ATP1A4: variants seen among roughly 807,000 people sequenced by gnomAD.
ATP1A4 encodes sodium/potassium-transporting ATPase subunit alpha-4.
Under a neutral mutation model 114.3 loss-of-function variants are expected in ATP1A4, and 90 were observed. That is an observed-to-expected ratio of 0.79 (90% CI 0.66 to 0.94). The LOEUF is 0.94. Among genes scored for constraint, ATP1A4 ranks in the 40% least tolerant of loss-of-function variants. ATP1A4 has a pLI of 0.00. For synonymous variants in ATP1A4, 511 were observed against 494.1 expected, an observed-to-expected ratio of 1.03 and a Z score of -0.45; for missense variants, 1,222 against 1,313.6, an observed-to-expected ratio of 0.93 and a Z score of 1.08.
chr1:160,168,320 G>A (rs1379346749), intron 10 of ATP1A4, among the ~76,000 whole-genome samples: 1 of 151,858 alleles, frequency 6.6e-6, no homozygotes, highest in Non-Finnish European at 1.5e-5. Context: ...CAGACATTCA[G>A]GTGTGGGTAA....
At chr1:160,182,953 A>G (rs1811877) in intron 20 of ATP1A4, 150,628 of 152,390 alleles carry the variant, frequency 0.99, 74,458 homozygotes, top group Middle Eastern at 1. Flanking sequence ...GATTACAGGC[A>G]TGAGCCACCA....
At chr1:160,175,784 A>C (rs189747777) in intron 15 of ATP1A4, among the ~76,000 whole-genome samples, 44 of 152,250 alleles carry the variant, frequency 2.9e-4, no homozygotes, top group African/African-American at 9.4e-4. Context: ...TTCCAGCCTT[A>C]ATCTTGTAAA....
intron 20 of ATP1A4, 57 bp from the exon 21 acceptor site, chr1:160,186,219 A>G: frequency 1.7e-6 from 2 of 1,205,194 alleles, no homozygotes; most frequent in South Asian, 1.2e-5. Flanking sequence ...TGCCCTCTGC[A>G]CCTGTCCTCT....
chr1:160,174,151 G>A lies in ATP1A4; in HGVS notation c.2032G>A (p.Asp678Asn), dbSNP rs761255728. 34 of 1,614,012 alleles carry A rather than the reference G, an allele frequency of 2.1e-5. No individual in the cohort carries two copies. The highest frequency in any genetic ancestry group is 2.9e-5 in the Non-Finnish European group (34 of 1,180,032). ...TGTGGTGCATGGTGCAGAACTGAAG[G>A]ACATACAGTCCAAGCAGCTTGATCA... Reference protein sequence around the residue: ...AIVVHGAELKDIQSKQLDQIL... With the variant: ...AIVVHGAELKNIQSKQLDQIL... The change falls in exon 14 of 22, where the codon GAC becomes AAC. Residue 678 changes from aspartate (D) to asparagine (N), a missense_variant. Physicochemically the swap from Asp to Asn is conservative, Grantham distance 23 (BLOSUM62 1). Coordinates refer to ENST00000368081, the MANE Select transcript of ATP1A4 (RefSeq NM_144699.4).
At chr1:160,175,445 G>A (rs1653425667) in intron 15 of ATP1A4, among the ~76,000 whole-genome samples, 1 of 152,058 alleles carries the variant, frequency 6.6e-6, no homozygotes, top group African/African-American at 2.4e-5. Flanking sequence ...CTATGTGGGA[G>A]GCACTATGCT....
In ATP1A4 at chr1:160,176,109, AAC is replaced by A. The variant is rs1228162848; in HGVS notation, c.2330_2331del (p.Asn777ThrfsTer40). On this transcript the variant is annotated frameshift_variant, in exon 16 of 22. Transcript: ENST00000368081. LOFTEE classifies it high-confidence loss of function. ...CTCCCCAGGCCGCCTGATCTTTGAC[AAC>A]CTGAAGAAATCCATCATGTACACCC... The part of the protein sequence containing the change: ...GVEEGRLIFD[N>X]LKKSIMYTLT... 2 of 1,614,026 alleles carry A rather than the reference AAC, an allele frequency of 1.2e-6. No individual in the cohort carries two copies. Among genetic ancestry groups the A allele is most frequent in the African/African-American group, 2.7e-5 (2 of 74,904 alleles).
chr1:160,185,199 G>A (rs952567533), intron 20 of ATP1A4, among the ~76,000 whole-genome samples: 3 of 150,054 alleles, frequency 2.0e-5, no homozygotes, highest in Non-Finnish European at 3.0e-5. Flanking sequence ...TGCAACCTCC[G>A]CCTCCCGGGT....
At chr1:160,180,860 A>G (rs543702292) in intron 18 of ATP1A4, among the ~76,000 whole-genome samples, 57 of 151,598 alleles carry the variant, frequency 3.8e-4, no homozygotes, top group Middle Eastern at 6.8e-3. Context: ...GACTACAGGC[A>G]CCCGCCACCA....
intron 1 of ATP1A4, among the ~76,000 whole-genome samples, chr1:160,152,700 G>A (rs920608332): frequency 5.9e-5 from 9 of 152,178 alleles, no homozygotes; most frequent in African/African-American, 9.6e-5. Context: ...TCTCTGGCCC[G>A]AACCCCCGTG....
chr1:160,159,225 A>G, intron 5 of ATP1A4, 89 bp downstream of exon 5: 1 of 1,510,544 alleles, frequency 6.6e-7, no homozygotes, highest in South Asian at 1.3e-5. Flanking sequence ...GTATAAGCTT[A>G]TTACTCAGAA....
At chr1:160,180,218 G>C (rs75978735) in intron 18 of ATP1A4, among the ~76,000 whole-genome samples, 1 of 152,130 alleles carries the variant, frequency 6.6e-6, no homozygotes, top group African/African-American at 2.4e-5. Context: ...TTCCATGCTC[G>C]GCTCATCAAT....
chr1:160,184,014 G>A (rs541598452), intron 20 of ATP1A4, among the ~76,000 whole-genome samples: 3 of 148,950 alleles, frequency 2.0e-5, no homozygotes, highest in Non-Finnish European at 4.4e-5. Flanking sequence ...GTGCAGTAGC[G>A]CAATCTCGGC....
At chr1:160,180,834 C>T (rs576711320) in intron 18 of ATP1A4, among the ~76,000 whole-genome samples, 16 of 151,874 alleles carry the variant, frequency 1.1e-4, no homozygotes, top group African/African-American at 3.6e-4. Context: ...CTCGCCTCAG[C>T]CTCCCGAGCA....
At chr1:160,159,223 T>G in intron 5 of ATP1A4, 87 bp downstream of exon 5, 1 of 1,516,924 alleles carries the variant, frequency 6.6e-7, no homozygotes, top group Non-Finnish European at 8.9e-7. Context: ...AAGTATAAGC[T>G]TATTACTCAG....
chr1:160,176,795 C>G (rs1571031654), intron 17 of ATP1A4, among the ~76,000 whole-genome samples, 193 bp downstream of exon 17: 1 of 152,202 alleles, frequency 6.6e-6, no homozygotes, highest in African/African-American at 2.4e-5. Context: ...AACAAACATA[C>G]ATAAAATGAT....
At chr1:160,182,480 C>A (rs561256800) in intron 20 of ATP1A4, among the ~76,000 whole-genome samples, 1 of 152,126 alleles carries the variant, frequency 6.6e-6, no homozygotes, top group Non-Finnish European at 1.5e-5. Flanking sequence ...TTGTTCAACT[C>A]CAGGTTTTTG....
chr1:160,174,518 T>C, intron 14 of ATP1A4, 61 bp from the exon 15 acceptor site: 1 of 1,578,058 alleles, frequency 6.3e-7, no homozygotes, highest in South Asian at 1.2e-5. Context: ...TACTGATCTT[T>C]GGGACTAGTT....
chr1:160,157,102 G>A (rs1401029128), intron 4 of ATP1A4, among the ~76,000 whole-genome samples: 1 of 152,102 alleles, frequency 6.6e-6, no homozygotes, highest in African/African-American at 2.4e-5. Flanking sequence ...AAAAAGACAG[G>A]GACGTGGCAA....
At chr1:160,177,765 C>T in intron 18 of ATP1A4, 101 bp downstream of exon 18, 2 of 1,347,370 alleles carry the variant, frequency 1.5e-6, no homozygotes, top group Non-Finnish European at 2.1e-6. Context: ...AGGGAAGCAC[C>T]ACACAAACAG....
Sources: gnomAD v4.1 joint callset for allele counts (sites outside exome capture counted in the v4.1 genomes callset) on GRCh38, gnomAD v4.1.1 for gene constraint, MANE v1.5 for transcripts, NCBI Gene and HGNC (gene_info 2026-07-23, HGNC 2026-07-21) for gene names.